The following DENND2B variants were observed in gnomAD, a reference collection of about 807,000 sequenced individuals.
The protein encoded by DENND2B is DENN domain-containing protein 2B.
DENND2B carries 32 observed loss-of-function variants against 116.0 expected under a neutral mutation model. That is an observed-to-expected ratio of 0.28 (90% CI 0.21 to 0.37). The LOEUF (loss-of-function observed/expected upper bound fraction) is 0.37. Among genes scored for constraint, DENND2B ranks in the 10% least tolerant of loss-of-function variants. The pLI is 1.00. For synonymous variants in DENND2B, 588 were observed against 583.9 expected (o/e 1.01, Z -0.10); for missense variants, 1,276 against 1,477.7 (o/e 0.86, Z 2.24).
In DENND2B at chr11:8,707,966, A is replaced by G; in HGVS notation, c.2353-112T>C. On this transcript the variant is annotated intron_variant, in intron 11 of 19. Transcript: ENST00000313726. The surrounding 1 kb of genome is among the most constrained non-coding windows in gnomAD (Gnocchi z 4.8). ...GGAGTAAGGACTGCCCTTCTAGTGGAGGAAGACTTTAAGCCTCCTCTAAAC... is the reference window on the plus strand; with the variant it reads ...GGAGTAAGGACTGCCCTTCTAGTGGGGGAAGACTTTAAGCCTCCTCTAAAC... The G allele has an allele frequency of 6.5e-7, 1 of 1,536,460 alleles. No homozygotes were observed.
chr11:8,778,487 T>C (rs1374441193), intron 1 of DENND2B, among the ~76,000 whole-genome samples: 1 of 152,228 alleles, frequency 6.6e-6, no homozygotes, highest in Non-Finnish European at 1.5e-5. Flanking sequence ...TGTGTGTCTG[T>C]GTTTTATTTA....
chr11:8,907,039 T>C (rs2064247478), intron 1 of DENND2B, among the ~76,000 whole-genome samples: 1 of 40,304 alleles, frequency 2.5e-5, no homozygotes, highest in Admixed American at 4.6e-4. Context: ...TCACTGGACT[T>C]GTTTTTTCTC....
intron 16 of DENND2B, chr11:8,697,909 C>A: frequency 2.0e-6 from 1 of 511,448 alleles, no homozygotes; most frequent in Non-Finnish European, 3.7e-6. Context: ...GGGAGGATCG[C>A]TTGAGCCCAG....
intron 4 of DENND2B, among the ~76,000 whole-genome samples, chr11:8,829,537 C>G (rs1472235473): frequency 1.3e-5 from 2 of 152,166 alleles, no homozygotes; most frequent in African/African-American, 2.4e-5. Flanking sequence ...TCTTCCTTCT[C>G]TGTGGTTCTC....
At chr11:8,883,045 A>G (rs2063919412) in intron 1 of DENND2B, among the ~76,000 whole-genome samples, 1 of 152,218 alleles carries the variant, frequency 6.6e-6, no homozygotes, top group Admixed American at 6.5e-5. Context: ...AAGCTTATAC[A>G]AAGGCGCATT....
At chr11:8,721,682 C>T (rs929642049) in intron 4 of DENND2B, among the ~76,000 whole-genome samples, 2 of 152,234 alleles carry the variant, frequency 1.3e-5, no homozygotes, top group Admixed American at 6.5e-5. Context: ...CTCGACAGCC[C>T]CGGCACCTTC....
Position 8,693,952 on chromosome 11 carries a change from A to G in DENND2B, c.*144T>C, listed in dbSNP as rs2039854304. The G allele has an allele frequency of 2.7e-6, 2 of 733,704 alleles. No individual in the cohort carries two copies. Among genetic ancestry groups the G allele is most frequent in the Non-Finnish European group, 4.6e-6 (2 of 438,576 alleles). The allele number at this position is 733,704 out of a possible 1,614,324, so 45.4% of individuals were successfully genotyped here. ...TTATTTACAAACAGTATCCTGGGAT[A>G]TGATGAAGGCAGAGGTGGGCTGGCT... On this transcript the variant is annotated 3_prime_UTR_variant, in exon 20 of 20. Coordinates refer to ENST00000313726, the MANE Select transcript of DENND2B (RefSeq NM_213618.2).
chr11:8,757,358 A>C (rs957415515), intron 1 of DENND2B, among the ~76,000 whole-genome samples: 1 of 152,214 alleles, frequency 6.6e-6, no homozygotes, highest in African/African-American at 2.4e-5. Context: ...CAGACTCCCT[A>C]GTACTATCAT....
intron 4 of DENND2B, among the ~76,000 whole-genome samples, chr11:8,831,208 C>T (rs964133129): frequency 6.6e-6 from 1 of 152,152 alleles, no homozygotes; most frequent in African/African-American, 2.4e-5. Context: ...CCCAAGACCT[C>T]CCTGATAGGT....
intron 8 of DENND2B, among the ~76,000 whole-genome samples, chr11:8,713,103 A>ACTTGAGCCTTGTC (rs66473135): frequency 0.59 from 89,654 of 151,850 alleles, 26,442 homozygotes; most frequent in East Asian, 0.69. Context: ...CCCTAGCAGG[A>ACTTGAGCCTTGTC]CATGCTCCTA....
chr11:8,863,346 T>TCCCAGGTTCACACCATTCTCCTTC (rs543669262), intron 2 of DENND2B, among the ~76,000 whole-genome samples: 1 of 81,270 alleles, frequency 1.2e-5, no homozygotes, highest in Non-Finnish European at 2.5e-5. Flanking sequence ...AAGCTCCACC[T>TCCCAGGTTCACACCATTCTCCTTC]CTCAGCCTCC....
chr11:8,890,420 G>C (rs113329407), intron 1 of DENND2B, among the ~76,000 whole-genome samples: 1 of 152,202 alleles, frequency 6.6e-6, no homozygotes, highest in African/African-American at 2.4e-5. Context: ...AGAGAAGAAG[G>C]CTTCAGATGA....
chr11:8,891,533 G>A (rs1028833069), intron 1 of DENND2B, among the ~76,000 whole-genome samples: 3 of 152,130 alleles, frequency 2.0e-5, no homozygotes, highest in Non-Finnish European at 2.9e-5. Flanking sequence ...TCAACATAAA[G>A]GGATGGAGGA....
chr11:8,755,903 C>T (rs2134080923), intron 1 of DENND2B, among the ~76,000 whole-genome samples: 1 of 152,360 alleles, frequency 6.6e-6, no homozygotes. Context: ...GTGAGATACT[C>T]TCTACCTGTA....
Position 8,715,462 on chromosome 11 carries a change from G to A in DENND2B, c.1845+141C>T, listed in dbSNP as rs1330500605. 3 of 784,724 alleles carry A rather than the reference G, an allele frequency of 3.8e-6. No homozygotes were observed. The East Asian group carries it at 8.0e-5, about 21-fold the overall frequency. The allele number at this position is 784,724 out of a possible 1,614,324, so 48.6% of individuals were successfully genotyped here. On this transcript the variant is annotated intron_variant, in intron 6 of 19. Transcript: ENST00000313726. Reference sequence around the variant, plus strand: ...TTAATCAGATGAAAAAGAGGCCAGTGCACGGACCCAGAATTTATTCAAAGG... The same window carrying A: ...TTAATCAGATGAAAAAGAGGCCAGTACACGGACCCAGAATTTATTCAAAGG...
At chr11:8,861,073 CA>C (rs2063374693) in intron 2 of DENND2B, among the ~76,000 whole-genome samples, 1 of 151,960 alleles carries the variant, frequency 6.6e-6, no homozygotes, top group African/African-American at 2.4e-5. Context: ...GACATGAAAC[CA>C]TAAAAATTCT....
intron 2 of DENND2B, among the ~76,000 whole-genome samples, chr11:8,867,875 A>G (rs369865873): frequency 1.0e-3 from 157 of 152,218 alleles, no homozygotes; most frequent in African/African-American, 3.5e-3. Context: ...GAGCCACAGC[A>G]CCTGGCCAAA....
intron 4 of DENND2B, among the ~76,000 whole-genome samples, chr11:8,829,546 T>C (rs1183329585): frequency 6.6e-6 from 1 of 152,186 alleles, no homozygotes; most frequent in Non-Finnish European, 1.5e-5. Context: ...TCTGTGGTTC[T>C]CAAAAACAAT....
At chr11:8,838,814 T>C (rs891918657) in intron 4 of DENND2B, among the ~76,000 whole-genome samples, 1 of 152,168 alleles carries the variant, frequency 6.6e-6, no homozygotes, top group Non-Finnish European at 1.5e-5. Context: ...CTTCATGACC[T>C]TGGGGCGGGA....
Sources: allele counts gnomAD v4.1 joint callset (sites outside exome capture counted in the v4.1 genomes callset), GRCh38; gene constraint gnomAD v4.1.1; non-coding constraint Gnocchi (gnomAD v3.1); transcripts MANE v1.5; gene names NCBI Gene and HGNC (gene_info 2026-07-23, HGNC 2026-07-21).